The following THSD4 variants were observed in gnomAD, a reference collection of about 807,000 sequenced individuals.
THSD4 encodes thrombospondin type 1 domain containing 4.
THSD4 carries 69 observed loss-of-function variants against 119.0 expected under a neutral mutation model. The ratio of observed to expected loss-of-function variants is 0.58; its 90% CI spans 0.48 to 0.71. The LOEUF is 0.71. Ranked by LOEUF, THSD4 falls within the 30% of genes least tolerant of loss-of-function variation. The probability of loss-of-function intolerance (pLI) is 0.00; values close to 1 mark genes in which losing one functional copy is unlikely to be tolerated. For missense variants in THSD4, 1,393 were observed against 1,391.1 expected, an observed-to-expected ratio of 1.00 and a Z score of -0.02; for synonymous variants, 524 against 540.4, an observed-to-expected ratio of 0.97 and a Z score of 0.42.
chr15:71,738,132 C>T, intron 11 of THSD4, 125 bp downstream of exon 11: 1 of 1,295,464 alleles, frequency 7.7e-7, no homozygotes, highest in Non-Finnish European at 1.1e-6. Context: ...GACGATTTCT[C>T]CATGGATGGT....
At chr15:71,710,439 G>C (rs1354382041) in intron 8 of THSD4, among the ~76,000 whole-genome samples, 1 of 152,198 alleles carries the variant, frequency 6.6e-6, no homozygotes, top group Non-Finnish European at 1.5e-5. Flanking sequence ...CCAAATGGAG[G>C]AGGGCCAAGA....
intron 10 of THSD4, among the ~76,000 whole-genome samples, chr15:71,736,686 T>TTCTCTCTCTC (rs1017366020): frequency 6.6e-6 from 1 of 151,934 alleles, no homozygotes; most frequent in South Asian, 2.1e-4. Context: ...CTCTCTCTCT[T>TTCTCTCTCTC]TCTCTCTCTC....
At chr15:71,736,180 A>C (rs968544967) in intron 10 of THSD4, among the ~76,000 whole-genome samples, 2 of 23,228 alleles carry the variant, frequency 8.6e-5, no homozygotes, top group Admixed American at 4.0e-4. Flanking sequence ...TCTCTCTCAC[A>C]CTCTGTCTCT....
intron 2 of THSD4, among the ~76,000 whole-genome samples, chr15:71,150,948 G>T (rs1055900216): frequency 1.3e-5 from 2 of 152,120 alleles, no homozygotes; most frequent in Non-Finnish European, 2.9e-5. Context: ...AGGTGCTGGG[G>T]AATAAAGTAG....
chr15:71,231,752 G>A (rs752127815), intron 4 of THSD4, among the ~76,000 whole-genome samples: 53 of 152,166 alleles, frequency 3.5e-4, no homozygotes, highest in Non-Finnish European at 5.9e-4. Flanking sequence ...CACAGTAGGC[G>A]ACCAGGGAAG....
chr15:71,218,668 C>G (rs1409168601), intron 4 of THSD4, among the ~76,000 whole-genome samples: 2 of 152,166 alleles, frequency 1.3e-5, no homozygotes, highest in East Asian at 3.9e-4. Context: ...ATCACATTTG[C>G]TTATATTCAT....
In THSD4 at chr15:71,586,211, T is replaced by C. The variant is rs368506779; in HGVS notation, c.1153-74319T>C. On this transcript the variant is annotated intron_variant, in intron 7 of 17. Coordinates refer to ENST00000261862, the MANE Select transcript of THSD4 (RefSeq NM_024817.3). The stretch of plus-strand genomic sequence containing the variant: ...GTCTTTTCCATCTGGTTCTGGCAGA[T>C]AAAGACTTTCTCTTGGCTGATGGGA... Among the ~76,000 whole-genome samples, 11 of 152,194 alleles carry C rather than the reference T, an allele frequency of 7.2e-5. No homozygotes were observed. In the East Asian group the frequency reaches 7.7e-4, roughly 11 times the overall value.
In THSD4 at chr15:71,648,030, T is replaced by C. The variant is rs561021990; in HGVS notation, c.1153-12500T>C. ...GCCCTGTTCTTACAAGAAGGGTTTC[T>C]GTTGTCCCAAGAGACAATACAACTA... On this transcript the variant is annotated intron_variant, in intron 7 of 17. Coordinates refer to ENST00000261862, the MANE Select transcript of THSD4 (RefSeq NM_024817.3). Among the ~76,000 whole-genome samples the C allele has an allele frequency of 3.2e-4, 48 of 152,308 alleles. No individual in the cohort carries two copies. In the South Asian group the frequency reaches 9.5e-3, roughly 30 times the overall value.
At chr15:71,677,646 A>G (rs1272172205) in intron 8 of THSD4, among the ~76,000 whole-genome samples, 1 of 152,196 alleles carries the variant, frequency 6.6e-6, no homozygotes, top group Non-Finnish European at 1.5e-5. Flanking sequence ...ACGAAAGGAA[A>G]TCAACTCTGC....
rs139014243 is a variant in THSD4 at position 71,208,631 on chromosome 15, C to T, written c.100-6404C>T. 2.8e-3 allele frequency among the ~76,000 whole-genome samples: 426 copies of T among 152,086 alleles called. 4 individuals carry two copies. The highest frequency in any genetic ancestry group is 9.9e-3 in the African/African-American group (410 of 41,480). ...GGCTCAAGTGATAATCCTGCCTCAC[C>T]CTCCTGAGTAGCTGGGATTACAGGC... On this transcript the variant is annotated intron_variant, in intron 3 of 17. Coordinates refer to ENST00000261862, the MANE Select transcript of THSD4 (RefSeq NM_024817.3).
intron 6 of THSD4, among the ~76,000 whole-genome samples, chr15:71,406,803 C>T (rs1003450207): frequency 3.3e-5 from 5 of 151,924 alleles, no homozygotes; most frequent in Non-Finnish European, 5.9e-5. Flanking sequence ...CCTCAGCCTC[C>T]CAAGTAGCTG....
chr15:71,254,926 C>T (rs2044297412), intron 5 of THSD4, among the ~76,000 whole-genome samples: 1 of 152,164 alleles, frequency 6.6e-6, no homozygotes, highest in Non-Finnish European at 1.5e-5. Context: ...GGGCTTCTTG[C>T]TCCATATGGT....
At chr15:71,156,441 AG>A (rs374848729) in intron 3 of THSD4, among the ~76,000 whole-genome samples, 293 of 152,056 alleles carry the variant, frequency 1.9e-3, no homozygotes, top group African/African-American at 6.6e-3. Context: ...TTGTATGATC[AG>A]TAGAGACAGT....
intron 1 of THSD4, among the ~76,000 whole-genome samples, chr15:71,127,922 CCTATTTGT>C (rs2040469006): frequency 6.6e-6 from 1 of 152,054 alleles, no homozygotes; most frequent in Admixed American, 6.5e-5. Flanking sequence ...TTCATGTAAT[CCTATTTGT>C]CTATTTTTGC....
At chr15:71,727,609 CA>C in intron 8 of THSD4, among the ~76,000 whole-genome samples, 5 of 138,186 alleles carry the variant, frequency 3.6e-5, no homozygotes, top group Non-Finnish European at 4.6e-5. Flanking sequence ...CACACACACA[CA>C]CACACACACA....
rs565917301 is a variant in THSD4 at position 71,616,551 on chromosome 15, A to G, written c.1153-43979A>G. On this transcript the variant is annotated intron_variant, in intron 7 of 17. Coordinates refer to ENST00000261862, the MANE Select transcript of THSD4 (RefSeq NM_024817.3). Reference sequence around the variant, plus strand: ...GCAGACAAGTGGTGGCAACAGTGCCATCTTCAAAACTTGGAAAATAGGGTT... The same window carrying G: ...GCAGACAAGTGGTGGCAACAGTGCCGTCTTCAAAACTTGGAAAATAGGGTT... Among the ~76,000 whole-genome samples the G allele has an allele frequency of 9.2e-5, 14 of 152,386 alleles. No homozygotes were observed. In the East Asian group the frequency reaches 2.5e-3, roughly 27 times the overall value.
At chr15:71,201,114 G>A (rs563047720) in intron 3 of THSD4, among the ~76,000 whole-genome samples, 17 of 152,182 alleles carry the variant, frequency 1.1e-4, no homozygotes, top group Non-Finnish European at 1.9e-4. Context: ...TTGAACTTGA[G>A]GCCTAAATAG....
rs528559785 is a variant in THSD4, at chr15:71,251,103, G to A, written c.913-5510G>A. Among the ~76,000 whole-genome samples the A allele has an allele frequency of 1.1e-3, 165 of 152,298 alleles. 1 individual carries two copies. The highest frequency in any genetic ancestry group is 3.8e-3 in the African/African-American group (158 of 41,574). On this transcript the variant is annotated intron_variant, in intron 5 of 17. Transcript: ENST00000261862. ...CAAAGGTTTTTGTGAGGTTGAGTTTGTTCTGTGTAATTTGAGAAAGGAGAT... is the reference window on the plus strand; with the variant it reads ...CAAAGGTTTTTGTGAGGTTGAGTTTATTCTGTGTAATTTGAGAAAGGAGAT...
chr15:71,741,684 TACACACACACACACACAC>T (rs56080459), intron 11 of THSD4, among the ~76,000 whole-genome samples: 3,654 of 145,826 alleles, frequency 0.025, 150 homozygotes, highest in African/African-American at 0.086. Context: ...TGTGTGCATG[TACACACACACACACACAC>T]ACACACACAC....
Sources: allele counts gnomAD v4.1 joint callset (sites outside exome capture counted in the v4.1 genomes callset), GRCh38; gene constraint gnomAD v4.1.1; transcripts MANE v1.5; gene names NCBI Gene and HGNC (gene_info 2026-07-23, HGNC 2026-07-21).